Variants in CMIP observed in about 807,000 individuals in gnomAD.
The protein encoded by CMIP is c-Maf inducing protein, also known as C-Maf-inducing protein.
Under a neutral mutation model 97.3 loss-of-function variants are expected in CMIP, and 13 were observed. That is an observed-to-expected ratio of 0.13 (90% CI 0.09 to 0.21). The LOEUF is 0.21. Ranked by LOEUF, CMIP falls within the 10% of genes least tolerant of loss-of-function variation. The pLI is 1.00. For missense variants in CMIP, 847 were observed against 1,024.9 expected, an observed-to-expected ratio of 0.83 and a Z score of 2.37; for synonymous variants, 538 against 436.3, an observed-to-expected ratio of 1.23 and a Z score of -2.91.
chr16:81,658,961 AT>A (rs1248512117), intron 5 of CMIP, among the ~76,000 whole-genome samples: 6 of 152,142 alleles, frequency 3.9e-5, no homozygotes, highest in Non-Finnish European at 7.4e-5. Flanking sequence ...CAGGCCTTTG[AT>A]TGTGGAGAGT....
chr16:81,676,642 T>C (rs1037503882), intron 9 of CMIP, among the ~76,000 whole-genome samples: 5 of 151,784 alleles, frequency 3.3e-5, no homozygotes, highest in Non-Finnish European at 7.4e-5. Context: ...AGCCGATGGA[T>C]TGTTTATTTC....
chr16:81,502,547 C>G lies in CMIP; in HGVS notation c.300+57006C>G, dbSNP rs183386678. On this transcript the variant is annotated intron_variant, in intron 1 of 20. Transcript: ENST00000537098. ...CGCTCAGCGATCCATGGGCCTGTCA[C>G]GTGCGCCAGGCATTTGGGCGTCATG... 1.5e-4 allele frequency among the ~76,000 whole-genome samples: 23 copies of G among 152,266 alleles called. 1 individual carries two copies. Among genetic ancestry groups the G allele is most frequent in the East Asian group, 1.9e-4 (1 of 5,178 alleles).
At chr16:81,601,150 C>T (rs949908445) in intron 1 of CMIP, among the ~76,000 whole-genome samples, 7 of 152,346 alleles carry the variant, frequency 4.6e-5, no homozygotes, top group East Asian at 1.9e-4. Context: ...ACCCCATCCC[C>T]GACTGGGCAA....
chr16:81,655,248 T>A lies in CMIP; in HGVS notation c.640-2527T>A, dbSNP rs948798878. 6.6e-6 allele frequency among the ~76,000 whole-genome samples: 1 copy of A among 152,198 alleles called. No individual in the cohort carries two copies. Among genetic ancestry groups the A allele is most frequent in the African/African-American group, 2.4e-5 (1 of 41,446 alleles). ...GGCTGGGTTGTTTCTCTGTTCTGTT[T>A]GCCCAAGTTGTTTGCAAGGCCTCCT... On this transcript the variant is annotated intron_variant, in intron 4 of 20. Coordinates refer to ENST00000537098, the MANE Select transcript of CMIP (RefSeq NM_198390.3). The surrounding 1 kb of genome is among the most constrained non-coding windows in gnomAD (Gnocchi z 4.9).
chr16:81,659,687 A>T (rs2092523826), intron 5 of CMIP, among the ~76,000 whole-genome samples: 1 of 152,240 alleles, frequency 6.6e-6, no homozygotes, highest in African/African-American at 2.4e-5. Context: ...GCTTGCATTC[A>T]GGACAAGCCT....
At chr16:81,649,645 C>T (rs1475679063) in intron 3 of CMIP, among the ~76,000 whole-genome samples, 2 of 152,186 alleles carry the variant, frequency 1.3e-5, no homozygotes, top group African/African-American at 4.8e-5. Context: ...AGATTTTTTG[C>T]AATGAGCATG....
intron 1 of CMIP, among the ~76,000 whole-genome samples, chr16:81,557,397 T>C (rs564562283): frequency 6.6e-6 from 1 of 152,346 alleles, no homozygotes; most frequent in East Asian, 1.9e-4. Context: ...TATTACTGTG[T>C]ACTTACCATC....
intron 19 of CMIP, 138 bp from the exon 20 acceptor site, chr16:81,706,876 C>G: frequency 1.4e-6 from 1 of 704,868 alleles, no homozygotes; most frequent in Non-Finnish European, 2.5e-6. Flanking sequence ...CTGGCTGTGT[C>G]TACGAAACCT....
chr16:81,577,094 T>C, intron 1 of CMIP, among the ~76,000 whole-genome samples: 1 of 129,314 alleles, frequency 7.7e-6, no homozygotes, highest in Non-Finnish European at 1.6e-5. Context: ...ACCACTACAT[T>C]ATTATCACTA....
At chr16:81,583,383 G>T (rs932447789) in intron 1 of CMIP, among the ~76,000 whole-genome samples, 1 of 152,262 alleles carries the variant, frequency 6.6e-6, no homozygotes. Flanking sequence ...CCCTGAATGG[G>T]ATCGGCCACT....
intron 6 of CMIP, among the ~76,000 whole-genome samples, chr16:81,661,738 G>A (rs1295478501): frequency 1.3e-5 from 2 of 152,130 alleles, no homozygotes; most frequent in Admixed American, 6.5e-5. Flanking sequence ...TTCCCTTGCC[G>A]CCCCTTCCCG....
At chr16:81,505,134 C>T (rs1041637843) in intron 1 of CMIP, among the ~76,000 whole-genome samples, 8 of 152,212 alleles carry the variant, frequency 5.3e-5, no homozygotes, top group Non-Finnish European at 8.8e-5. Flanking sequence ...ATGGAGGGCC[C>T]GTCTCAACAT....
At chr16:81,573,356 A>T (rs1386053485) in intron 1 of CMIP, among the ~76,000 whole-genome samples, 4 of 152,126 alleles carry the variant, frequency 2.6e-5, no homozygotes, top group East Asian at 1.9e-4. Context: ...AAAATAAAAA[A>T]AAAAAAAAGG....
chr16:81,573,794 G>A (rs775183704), intron 1 of CMIP, among the ~76,000 whole-genome samples: 6 of 152,070 alleles, frequency 3.9e-5, no homozygotes, highest in Non-Finnish European at 1.5e-5. Context: ...ACGTGTATTT[G>A]TGCCAGTTAA....
chr16:81,504,153 C>G (rs2089661769), intron 1 of CMIP, among the ~76,000 whole-genome samples: 1 of 152,090 alleles, frequency 6.6e-6, no homozygotes, highest in Non-Finnish European at 1.5e-5. Flanking sequence ...TGGTGAAACC[C>G]CCTCTCTACT....
intron 1 of CMIP, among the ~76,000 whole-genome samples, chr16:81,471,083 A>G (rs147383090): frequency 7.0e-4 from 107 of 152,332 alleles, no homozygotes; most frequent in African/African-American, 2.5e-3. Flanking sequence ...ACCCACATGC[A>G]CACACACGTA....
At chr16:81,598,956 A>T (rs1421509293) in intron 1 of CMIP, among the ~76,000 whole-genome samples, 1 of 139,024 alleles carries the variant, frequency 7.2e-6, no homozygotes. Flanking sequence ...GTGACAGAGC[A>T]AGACTCTGTC....
At chr16:81,567,376 G>A (rs1446739937) in intron 1 of CMIP, among the ~76,000 whole-genome samples, 1 of 152,276 alleles carries the variant, frequency 6.6e-6, no homozygotes, top group African/African-American at 2.4e-5. Flanking sequence ...TCCGTGGCAG[G>A]TGTTGGGAGG....
chr16:81,530,945 G>A (rs1369957552), intron 1 of CMIP, among the ~76,000 whole-genome samples: 3 of 152,286 alleles, frequency 2.0e-5, no homozygotes, highest in East Asian at 1.9e-4. Context: ...CTGAACTGTC[G>A]AACGTAGCCA....
Sources: gnomAD v4.1 joint callset for allele counts (sites outside exome capture counted in the v4.1 genomes callset) on GRCh38, gnomAD v4.1.1 for gene constraint, Gnocchi (gnomAD v3.1) non-coding constraint, MANE v1.5 for transcripts, NCBI Gene and HGNC (gene_info 2026-07-23, HGNC 2026-07-21) for gene names.